The following ZBTB20 variants were observed in gnomAD, a reference collection of about 807,000 sequenced individuals.
ZBTB20 encodes zinc finger and BTB domain-containing protein 20.
In ZBTB20, 9 loss-of-function variants were observed where a neutral mutation model predicts 56.9. That is an observed-to-expected ratio of 0.16 (90% CI 0.10 to 0.28). The LOEUF (loss-of-function observed/expected upper bound fraction) is 0.28. Ranked by LOEUF, ZBTB20 falls within the 10% of genes least tolerant of loss-of-function variation. ZBTB20 has a pLI of 1.00. For missense variants in ZBTB20, 655 were observed against 1,003.0 expected, an observed-to-expected ratio of 0.65 and a Z score of 4.69; for synonymous variants, 417 against 420.7, an observed-to-expected ratio of 0.99 and a Z score of 0.11.
At chr3:114,496,131 A>G (rs1479478174) in intron 7 of ZBTB20, among the ~76,000 whole-genome samples, 1 of 152,216 alleles carries the variant, frequency 6.6e-6, no homozygotes, top group Non-Finnish European at 1.5e-5. Context: ...GCTGAGGAGC[A>G]AGTCACAGTG....
chr3:114,513,563 G>C (rs2045651163), intron 6 of ZBTB20, among the ~76,000 whole-genome samples: 1 of 152,164 alleles, frequency 6.6e-6, no homozygotes, highest in African/African-American at 2.4e-5. Context: ...GCAGGCTGGA[G>C]AGGATGTTTA....
At chr3:114,965,232 C>A (rs576288860) in intron 3 of ZBTB20, among the ~76,000 whole-genome samples, 2 of 152,224 alleles carry the variant, frequency 1.3e-5, no homozygotes, top group African/African-American at 4.8e-5. Context: ...TAATTGGCAA[C>A]TAAAAGTTGT....
At chr3:114,934,891 A>G (rs1053519447) in intron 3 of ZBTB20, among the ~76,000 whole-genome samples, 1 of 152,216 alleles carries the variant, frequency 6.6e-6, no homozygotes, top group African/African-American at 2.4e-5. Flanking sequence ...AAAGATTTTC[A>G]TAAGTAAAAA....
intron 5 of ZBTB20, among the ~76,000 whole-genome samples, chr3:114,791,004 AGT>A: frequency 1.3e-5 from 2 of 152,270 alleles, no homozygotes; most frequent in South Asian, 4.2e-4. Flanking sequence ...GAGACCTCAA[AGT>A]GATTTACATT....
chr3:115,115,508 A>G, intron 1 of ZBTB20, among the ~76,000 whole-genome samples: 1 of 152,066 alleles, frequency 6.6e-6, no homozygotes, highest in Admixed American at 6.6e-5. Flanking sequence ...TCATTTAACT[A>G]TATAGTAAAC....
At chr3:115,076,683 A>C (rs938527739) in intron 1 of ZBTB20, among the ~76,000 whole-genome samples, 9 of 152,220 alleles carry the variant, frequency 5.9e-5, no homozygotes, top group African/African-American at 2.2e-4. Context: ...CAAAAATAAA[A>C]ATAAACAGGT....
At chr3:115,084,702 T>C (rs1474788648) in intron 1 of ZBTB20, among the ~76,000 whole-genome samples, 2 of 151,990 alleles carry the variant, frequency 1.3e-5, no homozygotes, top group African/African-American at 4.8e-5. Context: ...AGTATCATCA[T>C]GTTAATCAGT....
At chr3:114,590,288 T>C (rs2055614630) in intron 6 of ZBTB20, among the ~76,000 whole-genome samples, 1 of 151,922 alleles carries the variant, frequency 6.6e-6, no homozygotes. Flanking sequence ...AAACCCCGTC[T>C]CTACTAAAAA....
chr3:115,029,955 A>G (rs2080596578), intron 2 of ZBTB20, among the ~76,000 whole-genome samples: 1 of 151,122 alleles, frequency 6.6e-6, no homozygotes, highest in Non-Finnish European at 1.5e-5. Context: ...AAATGAAACT[A>G]AAAGGCAAAC....
intron 10 of ZBTB20, among the ~76,000 whole-genome samples, chr3:114,364,795 G>C (rs112094488): frequency 6.6e-6 from 1 of 152,172 alleles, no homozygotes; most frequent in Non-Finnish European, 1.5e-5. Context: ...TGATTAATTA[G>C]TAGATTCATT....
At chr3:114,462,559 T>C (rs1242194496) in intron 7 of ZBTB20, among the ~76,000 whole-genome samples, 2 of 152,156 alleles carry the variant, frequency 1.3e-5, no homozygotes, top group Non-Finnish European at 2.9e-5. Context: ...TATTCTCAAA[T>C]AAGTAAGAAG....
At chr3:114,568,471 G>C (rs1338940645) in intron 6 of ZBTB20, among the ~76,000 whole-genome samples, 1 of 152,164 alleles carries the variant, frequency 6.6e-6, no homozygotes, top group Non-Finnish European at 1.5e-5. Flanking sequence ...TACAGTAAGA[G>C]TAATTATGAG....
At chr3:115,094,997 G>A (rs750362107) in intron 1 of ZBTB20, among the ~76,000 whole-genome samples, 3 of 151,858 alleles carry the variant, frequency 2.0e-5, no homozygotes, top group Non-Finnish European at 4.4e-5. Context: ...CCTTACATTA[G>A]TAATGTAATA....
At chr3:114,563,005 C>G (rs1053122450) in intron 6 of ZBTB20, among the ~76,000 whole-genome samples, 1 of 152,080 alleles carries the variant, frequency 6.6e-6, no homozygotes, top group Admixed American at 6.6e-5. Flanking sequence ...AAATGTGACA[C>G]AGAGACATGA....
intron 5 of ZBTB20, among the ~76,000 whole-genome samples, chr3:114,797,194 T>G (rs551455633): frequency 1.1e-4 from 17 of 151,862 alleles, no homozygotes; most frequent in Admixed American, 3.3e-4. Context: ...TGCCATCTAG[T>G]ATCTTAAAAA....
At chr3:114,880,007 T>C (rs2076340130) in intron 4 of ZBTB20, among the ~76,000 whole-genome samples, 1 of 152,200 alleles carries the variant, frequency 6.6e-6, no homozygotes, top group African/African-American at 2.4e-5. Flanking sequence ...AAATTAGCAG[T>C]TTCTAAAGCT....
At chr3:114,884,425 T>C (rs1002670090) in intron 4 of ZBTB20, among the ~76,000 whole-genome samples, 2 of 152,222 alleles carry the variant, frequency 1.3e-5, no homozygotes, top group Non-Finnish European at 2.9e-5. Context: ...TCCTTGTGCA[T>C]TTTTTCACAT....
chr3:114,793,261 A>G (rs963488085), intron 5 of ZBTB20, among the ~76,000 whole-genome samples: 3 of 152,142 alleles, frequency 2.0e-5, no homozygotes, highest in African/African-American at 7.2e-5. Flanking sequence ...TAAGGCTTTA[A>G]TTAAGTTAGT....
At chr3:114,856,836 A>C (rs1331249570) in intron 4 of ZBTB20, among the ~76,000 whole-genome samples, 1 of 152,238 alleles carries the variant, frequency 6.6e-6, no homozygotes, top group African/African-American at 2.4e-5. Flanking sequence ...ACAAAGTGAC[A>C]GAAATATATA....
Sources: allele counts gnomAD v4.1 joint callset (sites outside exome capture counted in the v4.1 genomes callset), GRCh38; gene constraint gnomAD v4.1.1; transcripts MANE v1.5; gene names NCBI Gene and HGNC (gene_info 2026-07-23, HGNC 2026-07-21).